WDR44: variants seen among roughly 807,000 people sequenced by gnomAD.
The protein encoded by WDR44 is WD repeat domain 44, also known as WD repeat-containing protein 44.
WDR44 carries 9 observed loss-of-function variants against 65.7 expected under a neutral mutation model. The ratio of observed to expected loss-of-function variants is 0.14; its 90% CI spans 0.08 to 0.24. WDR44 has a LOEUF of 0.24. WDR44 is among the 10% of genes least tolerant of loss of function. The pLI is 1.00. For missense variants in WDR44, 425 were observed against 670.9 expected (o/e 0.63, Z 4.05); for synonymous variants, 220 against 235.2 (o/e 0.94, Z 0.59).
intron 1 of WDR44, among the ~76,000 whole-genome samples, chrX:118,364,463 A>G (rs942110435): frequency 2.7e-5 from 3 of 111,800 alleles, no homozygotes; most frequent in Non-Finnish European, 3.8e-5. Flanking sequence ...TCTCATTGCA[A>G]TTGTTACCTT....
intron 12 of WDR44, among the ~76,000 whole-genome samples, chrX:118,428,605 G>T (rs2057179940): frequency 8.9e-6 from 1 of 111,792 alleles, no homozygotes; most frequent in African/African-American, 3.2e-5. Context: ...TGGAAGAGGG[G>T]AATGTAAATT....
intron 1 of WDR44, among the ~76,000 whole-genome samples, chrX:118,353,880 G>T (rs934139866): frequency 9.8e-5 from 11 of 112,456 alleles, no homozygotes; most frequent in African/African-American, 3.6e-4. Flanking sequence ...TCTATAGGTT[G>T]TAGAAAGAAT....
At chrX:118,400,122 A>G (rs905715388) in intron 8 of WDR44, among the ~76,000 whole-genome samples, 2 of 109,549 alleles carry the variant, frequency 1.8e-5, no homozygotes, top group Non-Finnish European at 3.8e-5. Context: ...AACTCATAGC[A>G]CAATCATTGT....
chrX:118,368,459 CTATATATATATA>C (rs757542334), intron 1 of WDR44, among the ~76,000 whole-genome samples: 1 of 72,921 alleles, frequency 1.4e-5, no homozygotes, highest in African/African-American at 7.2e-5. Flanking sequence ...GAAATAGTGA[CTATATATATATA>C]TATATATATA....
intron 5 of WDR44, 41 bp downstream of exon 5, chrX:118,394,226 C>T: frequency 8.4e-7 from 1 of 1,196,590 alleles, no homozygotes; most frequent in Non-Finnish European, 1.1e-6. Context: ...ACTTTATCAG[C>T]TCCCTGCAAC....
chrX:118,378,489 T>C, intron 2 of WDR44, 37 bp downstream of exon 2: 3 of 1,146,062 alleles, frequency 2.6e-6, no homozygotes, highest in Non-Finnish European at 3.6e-6. Context: ...TTTTTAGAAA[T>C]TGTATACTTT....
At chrX:118,384,027 A>T (rs2056743900) in intron 2 of WDR44, among the ~76,000 whole-genome samples, 1 of 107,739 alleles carries the variant, frequency 9.3e-6, no homozygotes, top group South Asian at 4.1e-4. Context: ...CTGCAGGCAC[A>T]TACCACCATG....
At chrX:118,361,292 A>G (rs1413371588) in intron 1 of WDR44, among the ~76,000 whole-genome samples, 1 of 112,006 alleles carries the variant, frequency 8.9e-6, no homozygotes, top group Non-Finnish European at 1.9e-5. Flanking sequence ...AGAAGGGTTC[A>G]TGTGTTCGTT....
intron 12 of WDR44, among the ~76,000 whole-genome samples, chrX:118,424,323 G>GTGTGTATATATATATATATGTATA (rs1289349202): frequency 1.5e-5 from 1 of 65,566 alleles, no homozygotes. Context: ...GTGTGTGTGT[G>GTGTGTATATATATATATATGTATA]TATATATATA....
intron 3 of WDR44, among the ~76,000 whole-genome samples, chrX:118,392,133 G>A (rs771072788): frequency 8.9e-6 from 1 of 111,939 alleles, no homozygotes; most frequent in African/African-American, 3.2e-5. Context: ...TCATAAGCTT[G>A]AGTTCAGAGC....
In WDR44 at chrX:118,406,248, A is replaced by G. The variant is rs142098856; in HGVS notation, c.1382-627A>G. Among the ~76,000 whole-genome samples the G allele has an allele frequency of 1.2e-3, 130 of 111,098 alleles. 2 individuals carry two copies. In the East Asian group the frequency reaches 0.034, roughly 29 times the overall value. On this transcript the variant is annotated intron_variant, in intron 9 of 19. Coordinates refer to ENST00000254029, the MANE Select transcript of WDR44 (RefSeq NM_019045.5). ...GTACCCATAGCAGGTCCTGCCATGG[A>G]TACTGGGGAATAACTGTATTTTCAA...
At chrX:118,402,458 A>AAG (rs547508565) in intron 8 of WDR44, among the ~76,000 whole-genome samples, 23,394 of 84,867 alleles carry the variant, frequency 0.28, 4,400 homozygotes, top group African/African-American at 0.58. Flanking sequence ...AAAAAAAAAA[A>AAG]ACATTCAGGA....
chrX:118,428,393 G>A (rs1027061917), intron 12 of WDR44, among the ~76,000 whole-genome samples: 2 of 110,806 alleles, frequency 1.8e-5, no homozygotes, highest in Admixed American at 1.9e-4. Flanking sequence ...TCCTGCCTCA[G>A]CCTCCCAAAG....
At chrX:118,408,154 A>G (rs1458215322) in intron 10 of WDR44, among the ~76,000 whole-genome samples, 3 of 111,680 alleles carry the variant, frequency 2.7e-5, no homozygotes, top group Non-Finnish European at 5.6e-5. Flanking sequence ...GGTTATTTCA[A>G]TAAATGGGCT....
chrX:118,424,880 T>G (rs757321531), intron 12 of WDR44, among the ~76,000 whole-genome samples: 1 of 112,125 alleles, frequency 8.9e-6, no homozygotes, highest in East Asian at 2.8e-4. Context: ...TATTTTTGTA[T>G]ATGATGTAAT....
chrX:118,372,713 C>G (rs1034980076), intron 1 of WDR44, among the ~76,000 whole-genome samples: 1 of 112,249 alleles, frequency 8.9e-6, no homozygotes, highest in South Asian at 3.7e-4. Flanking sequence ...GGTTTCCCAG[C>G]TCAATGCAGA....
At chrX:118,369,821 T>C (rs2056598449) in intron 1 of WDR44, among the ~76,000 whole-genome samples, 1 of 112,193 alleles carries the variant, frequency 8.9e-6, no homozygotes, top group African/African-American at 3.2e-5. Context: ...GTTCTATTTA[T>C]ATTGAAAGTT....
At chrX:118,447,529 A>G (rs1283328983) in intron 19 of WDR44, among the ~76,000 whole-genome samples, 3 of 110,961 alleles carry the variant, frequency 2.7e-5, no homozygotes, top group East Asian at 2.8e-4. Context: ...TCAAGCCTCA[A>G]TTTTCCTTAT....
intron 10 of WDR44, 36 bp from the exon 11 acceptor site, chrX:118,409,453 A>G (rs947275500): frequency 4.2e-6 from 5 of 1,197,469 alleles, no homozygotes; most frequent in East Asian, 3.0e-5. Context: ...CTAAAGGTGT[A>G]AAGTATTAAC....
Sources: gnomAD v4.1 joint callset for allele counts (sites outside exome capture counted in the v4.1 genomes callset) on GRCh38, gnomAD v4.1.1 for gene constraint, MANE v1.5 for transcripts, NCBI Gene and HGNC (gene_info 2026-07-23, HGNC 2026-07-21) for gene names.